Variants in GLIS1 observed in about 807,000 individuals in gnomAD.
GLIS1 encodes zinc finger protein GLIS1.
Under a neutral mutation model 63.8 loss-of-function variants are expected in GLIS1, and 24 were observed. The observed-to-expected ratio is 0.38, with a 90% confidence interval of 0.27 to 0.53. GLIS1 has a LOEUF of 0.53. Ranked by LOEUF, GLIS1 falls within the 20% of genes least tolerant of loss-of-function variation. GLIS1 has a pLI of 0.85. For missense variants in GLIS1, 1,036 were observed against 1,074.1 expected, an observed-to-expected ratio of 0.96 and a Z score of 0.50; for synonymous variants, 450 against 482.5, an observed-to-expected ratio of 0.93 and a Z score of 0.88.
intron 2 of GLIS1, among the ~76,000 whole-genome samples, chr1:53,627,068 G>A (rs556488983): frequency 4.6e-5 from 7 of 152,272 alleles, no homozygotes; most frequent in Admixed American, 2.6e-4. Context: ...CTAGGCCCTC[G>A]TTCCGGGTCC....
intron 2 of GLIS1, among the ~76,000 whole-genome samples, chr1:53,710,445 G>T (rs1374005332): frequency 6.6e-6 from 1 of 152,268 alleles, no homozygotes; most frequent in Non-Finnish European, 1.5e-5. Context: ...GACAGACGAA[G>T]AACTGCAGCT....
At chr1:53,736,247 T>C (rs1234673851) in intron 2 of GLIS1, among the ~76,000 whole-genome samples, 2 of 152,164 alleles carry the variant, frequency 1.3e-5, no homozygotes, top group Non-Finnish European at 2.9e-5. Context: ...ATTTTGGACA[T>C]GTTTGGGGGC....
intron 2 of GLIS1, among the ~76,000 whole-genome samples, chr1:53,634,160 G>A (rs1450589047): frequency 6.6e-6 from 1 of 152,166 alleles, no homozygotes; most frequent in African/African-American, 2.4e-5. Context: ...ATCAGGAGCC[G>A]GATGCTGGTC....
In GLIS1 at chr1:53,526,716, C is replaced by G. The variant is rs1205939110; in HGVS notation, c.1483-1829G>C. On this transcript the variant is annotated intron_variant, in intron 5 of 10. Transcript: ENST00000628545. This position sits in a 1 kb window ranked among gnomAD's most constrained non-coding sequence, Gnocchi z 4.4. ...CTGATACAAATCCACTCGCTTTCGT[C>G]TAAAAGCAAACAAGCTGGCTCTGTG... is the stretch of plus-strand genomic sequence containing the variant. 6.6e-6 allele frequency among the ~76,000 whole-genome samples: 1 copy of G among 152,282 alleles called. No individual in the cohort carries two copies. The highest frequency in any genetic ancestry group is 2.4e-5 in the African/African-American group (1 of 41,472).
At chr1:53,585,457 C>T (rs1462587105) in intron 4 of GLIS1, among the ~76,000 whole-genome samples, 4 of 150,516 alleles carry the variant, frequency 2.7e-5, no homozygotes, top group African/African-American at 9.8e-5. Context: ...GCCATTGGTC[C>T]ACCCTGGCTC....
chr1:53,638,275 C>T (rs1027657757), intron 2 of GLIS1, among the ~76,000 whole-genome samples: 3 of 152,182 alleles, frequency 2.0e-5, no homozygotes, highest in East Asian at 1.9e-4. Flanking sequence ...ACCACAGGCC[C>T]GCATGGTGCT....
At chr1:53,663,834 T>C (rs1450628754) in intron 2 of GLIS1, among the ~76,000 whole-genome samples, 2 of 152,260 alleles carry the variant, frequency 1.3e-5, no homozygotes, top group Admixed American at 1.3e-4. Flanking sequence ...CCCCAGGCAA[T>C]AGCCTTTACA....
chr1:53,550,914 G>C (rs538711202), intron 4 of GLIS1, among the ~76,000 whole-genome samples: 5 of 152,152 alleles, frequency 3.3e-5, no homozygotes, highest in African/African-American at 9.6e-5. Context: ...GCAATGGCGC[G>C]ATCTCGGCTC....
In GLIS1 at chr1:53,737,911, C is replaced by A; in HGVS notation, c.154G>T (p.Asp52Tyr). The change falls in exon 2 of 11, where the codon GAC (aspartate) becomes TAC (tyrosine). Residue 52 changes from aspartate to tyrosine, a missense_variant. Physicochemically the swap from Asp to Tyr is radical, Grantham distance 160. Around this residue, in one of 3 missense-constraint regions of GLIS1, gnomAD observed 592 missense variants for 593.9 expected, o/e 1.00. Transcript: ENST00000628545. ...GGGCGDRGPR[D>Y]LLARPPAPPP... is the part of the protein sequence containing the mutation. ...GGCGCAGGCGGCCGGGCTAGCAGGT[C>A]CCGCGGGCCCCTGTCCCCGCAGCCG... The A allele has an allele frequency of 8.1e-7, 1 of 1,230,252 alleles. No individual in the cohort carries two copies. Among genetic ancestry groups the A allele is most frequent in the Non-Finnish European group, 1.0e-6 (1 of 986,956 alleles). 76.2% of individuals were successfully genotyped at this position (1,230,252 alleles called of 1,614,324 possible).
At chr1:53,634,744 G>A (rs1156242562) in intron 2 of GLIS1, among the ~76,000 whole-genome samples, 1 of 152,170 alleles carries the variant, frequency 6.6e-6, no homozygotes, top group Non-Finnish European at 1.5e-5. Flanking sequence ...GCAAGCACCT[G>A]CGAGGCCACC....
In GLIS1 at chr1:53,697,487, T is replaced by C. The variant is rs558027679; in HGVS notation, c.259+40319A>G. Among the ~76,000 whole-genome samples the C allele has an allele frequency of 2.0e-5, 3 of 152,292 alleles. No homozygotes were observed. In the South Asian group the frequency reaches 6.2e-4, roughly 32 times the overall value. ...ACCCTCCTCTGGGGGCCACTGTCTGTTCTGGGGCCTCCCCTTACCCAGGCT... is the reference window on the plus strand; with the variant it reads ...ACCCTCCTCTGGGGGCCACTGTCTGCTCTGGGGCCTCCCCTTACCCAGGCT... On this transcript the variant is annotated intron_variant, in intron 2 of 10. Coordinates refer to ENST00000628545, the MANE Select transcript of GLIS1 (RefSeq NM_001367484.1).
intron 2 of GLIS1, among the ~76,000 whole-genome samples, chr1:53,703,288 A>G (rs1347763953): frequency 6.6e-6 from 1 of 152,196 alleles, no homozygotes; most frequent in Non-Finnish European, 1.5e-5. Flanking sequence ...AGAGGTATAA[A>G]GGAGACTCAT....
rs1645014951 is a variant in GLIS1 at position 53,574,695 on chromosome 1, C to A, written c.1320+19413G>T. ...TCCCCAATATGAGTAAAGGAAGCAG[C>A]CCCACCTGGGCCTTGTGTCTAAGCC... is the stretch of plus-strand genomic sequence containing the variant. On this transcript the variant is annotated intron_variant, in intron 4 of 10. Transcript: ENST00000628545. This position sits in a 1 kb window ranked among gnomAD's most constrained non-coding sequence, Gnocchi z 4.2. 6.6e-6 allele frequency among the ~76,000 whole-genome samples: 1 copy of A among 152,210 alleles called. No individual in the cohort carries two copies.
At chr1:53,527,341 GA>G (rs1346203434) in intron 5 of GLIS1, among the ~76,000 whole-genome samples, 1 of 152,228 alleles carries the variant, frequency 6.6e-6, no homozygotes, top group East Asian at 1.9e-4. Context: ...GCCCCACACT[GA>G]GAGCCTGGGA....
chr1:53,714,267 T>C (rs780195001), intron 2 of GLIS1, among the ~76,000 whole-genome samples: 1 of 152,142 alleles, frequency 6.6e-6, no homozygotes, highest in Non-Finnish European at 1.5e-5. Context: ...CACAAGAGTG[T>C]TGAAAAGATT....
At chr1:53,633,314 T>C (rs961324229) in intron 2 of GLIS1, among the ~76,000 whole-genome samples, 4 of 97,424 alleles carry the variant, frequency 4.1e-5, no homozygotes, top group Admixed American at 1.1e-4. Flanking sequence ...TGAGTGTGAC[T>C]GGGGGGCGTG....
intron 2 of GLIS1, among the ~76,000 whole-genome samples, chr1:53,728,430 C>T (rs1646826601): frequency 6.6e-6 from 1 of 152,230 alleles, no homozygotes; most frequent in South Asian, 2.1e-4. Context: ...TCACAACAGC[C>T]TTGGAGATCA....
At chr1:53,664,262 C>A (rs1342088334) in intron 2 of GLIS1, among the ~76,000 whole-genome samples, 1 of 152,158 alleles carries the variant, frequency 6.6e-6, no homozygotes, top group African/African-American at 2.4e-5. Flanking sequence ...TGGCCCCTAG[C>A]CTAGAGCATC....
At chr1:53,701,196 AC>A (rs915997426) in intron 2 of GLIS1, among the ~76,000 whole-genome samples, 2 of 152,212 alleles carry the variant, frequency 1.3e-5, no homozygotes, top group Admixed American at 1.3e-4. Flanking sequence ...TCGAGGAACT[AC>A]CAGACTATTT....
Sources: allele counts gnomAD v4.1 joint callset (sites outside exome capture counted in the v4.1 genomes callset), GRCh38; gene constraint gnomAD v4.1.1; regional missense constraint gnomAD v4.1.1; non-coding constraint Gnocchi (gnomAD v3.1); transcripts MANE v1.5; gene names NCBI Gene and HGNC (gene_info 2026-07-23, HGNC 2026-07-21).